GPC5: variants seen among roughly 807,000 people sequenced by gnomAD.
GPC5 encodes the protein glypican-5.
Under a neutral mutation model 53.9 loss-of-function variants are expected in GPC5, and 47 were observed. The ratio of observed to expected loss-of-function variants is 0.87; its 90% CI spans 0.69 to 1.11. GPC5 has a LOEUF of 1.11. Among genes scored for constraint, GPC5 ranks in the 50% most tolerant of loss-of-function variants. The pLI is 0.00. For synonymous variants in GPC5, 286 were observed against 263.3 expected (o/e 1.09, Z -0.84); for missense variants, 748 against 713.1 (o/e 1.05, Z -0.56).
chr13:91,950,612 C>A (rs1594682791), intron 6 of GPC5, among the ~76,000 whole-genome samples: 1 of 151,996 alleles, frequency 6.6e-6, no homozygotes. Flanking sequence ...ATAAAAATAC[C>A]AAATTCCTGT....
intron 2 of GPC5, among the ~76,000 whole-genome samples, chr13:91,467,836 A>G (rs1313008465): frequency 6.6e-6 from 1 of 151,890 alleles, no homozygotes; most frequent in African/African-American, 2.4e-5. Flanking sequence ...TGTATTGCAT[A>G]TGTTTTATTA....
intron 5 of GPC5, among the ~76,000 whole-genome samples, chr13:91,759,975 G>A (rs375376181): frequency 3.1e-4 from 47 of 152,174 alleles, no homozygotes; most frequent in African/African-American, 8.9e-4. Flanking sequence ...TTGTTAATGT[G>A]CATAAATTTA....
At chr13:91,805,694 C>A (rs2038208847) in intron 5 of GPC5, among the ~76,000 whole-genome samples, 1 of 152,008 alleles carries the variant, frequency 6.6e-6, no homozygotes, top group Non-Finnish European at 1.5e-5. Flanking sequence ...TGTGTTATTC[C>A]CACTTCAAAT....
intron 7 of GPC5, among the ~76,000 whole-genome samples, chr13:92,212,079 C>CA (rs769337977): frequency 0.06 from 4,016 of 67,244 alleles, 74 homozygotes; most frequent in Middle Eastern, 0.13. Flanking sequence ...CACAATAAAG[C>CA]AAAAAAAAAA....
intron 7 of GPC5, among the ~76,000 whole-genome samples, chr13:92,225,224 G>C (rs2042476697): frequency 6.6e-6 from 1 of 152,178 alleles, no homozygotes; most frequent in Non-Finnish European, 1.5e-5. Flanking sequence ...TATTCAGTTT[G>C]ATTAATTTAT....
chr13:92,011,642 A>C (rs2040662560), intron 6 of GPC5, among the ~76,000 whole-genome samples: 1 of 152,168 alleles, frequency 6.6e-6, no homozygotes. Flanking sequence ...ATTACAGTGG[A>C]ATTAGAAAAC....
At chr13:91,718,353 A>G (rs915787545) in intron 3 of GPC5, among the ~76,000 whole-genome samples, 2 of 150,908 alleles carry the variant, frequency 1.3e-5, no homozygotes, top group African/African-American at 2.4e-5. Context: ...CTCGTGATCC[A>G]CCCGCTTTGG....
intron 7 of GPC5, among the ~76,000 whole-genome samples, chr13:92,381,850 C>CATATATATCAT (rs1383676108): frequency 9.2e-4 from 34 of 36,834 alleles, no homozygotes; most frequent in Middle Eastern, 9.1e-3. Context: ...TGTATATGAT[C>CATATATATCAT]ATATATGATT....
chr13:92,638,223 T>TA (rs1189666235), intron 7 of GPC5, among the ~76,000 whole-genome samples: 2 of 152,162 alleles, frequency 1.3e-5, no homozygotes, highest in African/African-American at 4.8e-5. Context: ...CTCCTCAGCC[T>TA]AATGAGTGTC....
intron 6 of GPC5, among the ~76,000 whole-genome samples, chr13:91,971,602 T>G (rs2040242913): frequency 6.6e-6 from 1 of 152,090 alleles, no homozygotes; most frequent in Admixed American, 6.5e-5. Flanking sequence ...TGTGGGCATT[T>G]AGTGCTATAA....
intron 2 of GPC5, among the ~76,000 whole-genome samples, chr13:91,602,392 A>T (rs961805818): frequency 6.6e-6 from 1 of 152,252 alleles, no homozygotes; most frequent in African/African-American, 2.4e-5. Flanking sequence ...AGCACAGGAG[A>T]TAATTTGTAA....
intron 7 of GPC5, among the ~76,000 whole-genome samples, chr13:92,526,965 A>G (rs1257651702): frequency 6.6e-6 from 1 of 151,288 alleles, no homozygotes; most frequent in African/African-American, 2.4e-5. Context: ...AAGAATCAAG[A>G]GATGTGTTCA....
chr13:91,705,612 G>A (rs988095493), intron 3 of GPC5, among the ~76,000 whole-genome samples: 1 of 150,758 alleles, frequency 6.6e-6, no homozygotes, highest in Non-Finnish European at 1.5e-5. Context: ...GGATTTGTGT[G>A]TTTCAATGTT....
chr13:91,629,115 G>A (rs912405456), intron 2 of GPC5, among the ~76,000 whole-genome samples: 4 of 152,124 alleles, frequency 2.6e-5, no homozygotes, highest in African/African-American at 9.7e-5. Context: ...ATCTTTTTAA[G>A]TATTATCTAT....
chr13:92,479,723 C>T (rs2139431492), intron 7 of GPC5, among the ~76,000 whole-genome samples: 1 of 152,258 alleles, frequency 6.6e-6, no homozygotes, highest in South Asian at 2.1e-4. Flanking sequence ...AATAAATCCT[C>T]AGATGATGCC....
At chr13:92,475,875 C>T (rs1306712340) in intron 7 of GPC5, among the ~76,000 whole-genome samples, 1 of 151,864 alleles carries the variant, frequency 6.6e-6, no homozygotes, top group African/African-American at 2.4e-5. Context: ...TTCCTTACAC[C>T]TTATACAAAA....
intron 7 of GPC5, among the ~76,000 whole-genome samples, chr13:92,713,382 G>A (rs1180699052): frequency 6.7e-6 from 1 of 149,904 alleles, no homozygotes; most frequent in Non-Finnish European, 1.5e-5. Context: ...CACGAGGTCA[G>A]GAGATCGAGA....
chr13:92,210,775 A>G (rs543297916), intron 7 of GPC5, among the ~76,000 whole-genome samples: 4 of 152,326 alleles, frequency 2.6e-5, no homozygotes, highest in Non-Finnish European at 5.9e-5. Context: ...ATAAGCTTTT[A>G]TTATTCCTCT....
At chr13:92,118,836 C>T (rs1437790273) in intron 6 of GPC5, among the ~76,000 whole-genome samples, 2 of 152,278 alleles carry the variant, frequency 1.3e-5, no homozygotes, top group Admixed American at 6.5e-5. Flanking sequence ...TGCCATAAGT[C>T]TATACTCAAA....
Sources: allele counts gnomAD v4.1 joint callset (sites outside exome capture counted in the v4.1 genomes callset), GRCh38; gene constraint gnomAD v4.1.1; transcripts MANE v1.5; gene names NCBI Gene and HGNC (gene_info 2026-07-23, HGNC 2026-07-21).